Variants in ZCCHC4 observed in about 807,000 individuals in gnomAD.
ZCCHC4 encodes rRNA N(6)-adenosine-methyltransferase ZCCHC4.
ZCCHC4 carries 54 observed loss-of-function variants against 67.7 expected under a neutral mutation model. The observed-to-expected ratio is 0.80, with a 90% confidence interval of 0.64 to 1.00. The LOEUF (loss-of-function observed/expected upper bound fraction) is 1.00, where lower values mean the gene tolerates loss of function less well. Among genes scored for constraint, ZCCHC4 ranks in the 50% least tolerant of loss-of-function variants. The probability of loss-of-function intolerance (pLI) is 0.00; values close to 1 mark genes in which losing one functional copy is unlikely to be tolerated. For missense variants in ZCCHC4, 609 were observed against 617.0 expected, an observed-to-expected ratio of 0.99 and a Z score of 0.14; for synonymous variants, 198 against 213.5, an observed-to-expected ratio of 0.93 and a Z score of 0.63.
At chr4:25,344,472 G>A in intron 5 of ZCCHC4, among the ~76,000 whole-genome samples, 1 of 116,860 alleles carries the variant, frequency 8.6e-6, no homozygotes, top group East Asian at 2.7e-4. Context: ...TGGGGTGGGG[G>A]GAGGGGGGAG....
chr4:25,322,340 C>T (rs186677623), intron 3 of ZCCHC4, among the ~76,000 whole-genome samples: 7 of 152,214 alleles, frequency 4.6e-5, no homozygotes, highest in African/African-American at 1.4e-4. Flanking sequence ...CTCCCATTTC[C>T]CCACTCCCCA....
intron 6 of ZCCHC4, among the ~76,000 whole-genome samples, chr4:25,348,333 A>T (rs1720122748): frequency 6.6e-6 from 1 of 152,218 alleles, no homozygotes; most frequent in Non-Finnish European, 1.5e-5. Flanking sequence ...TATAAAATAC[A>T]TATAGGCTTG....
intron 8 of ZCCHC4, among the ~76,000 whole-genome samples, chr4:25,353,199 A>G (rs1293563545): frequency 6.6e-6 from 1 of 151,846 alleles, no homozygotes; most frequent in Non-Finnish European, 1.5e-5. Flanking sequence ...CACTGCTGTA[A>G]ACACCTTTTA....
At chr4:25,342,785 T>G (rs916646623) in intron 5 of ZCCHC4, among the ~76,000 whole-genome samples, 2 of 152,344 alleles carry the variant, frequency 1.3e-5, no homozygotes, top group South Asian at 4.1e-4. Flanking sequence ...GAGTGATTTT[T>G]CATAATTTAA....
At chr4:25,355,972 C>T (rs1203032663) in intron 8 of ZCCHC4, among the ~76,000 whole-genome samples, 2 of 152,168 alleles carry the variant, frequency 1.3e-5, no homozygotes. Context: ...AGTACTCTGT[C>T]TTATTTAATC....
At chr4:25,319,278 G>C (rs1718448163) in intron 3 of ZCCHC4, among the ~76,000 whole-genome samples, 2 of 152,068 alleles carry the variant, frequency 1.3e-5, no homozygotes, top group African/African-American at 4.8e-5. Context: ...CCAGCTTCTC[G>C]GGAGGCTGAG....
intron 12 of ZCCHC4, chr4:25,365,441 A>T (rs1720903896): frequency 2.5e-6 from 3 of 1,178,848 alleles, no homozygotes; most frequent in Non-Finnish European, 3.2e-6. Flanking sequence ...TTTACGTCTC[A>T]TGTGTAAAGT....
chr4:25,331,850 C>T lies in ZCCHC4; in HGVS notation c.330-1333C>T, dbSNP rs150514738. 3.0e-4 allele frequency among the ~76,000 whole-genome samples: 46 copies of T among 152,282 alleles called. 1 individual carries two copies. The East Asian group carries it at 7.1e-3, about 24-fold the overall frequency. ...AATAGAAACATTTAAATTACCGGCA[C>T]GATAGCTTATTTCTTGCTGCAACCA... is the stretch of plus-strand genomic sequence containing the variant. On this transcript the variant is annotated intron_variant, in intron 3 of 12. Coordinates refer to ENST00000302874, the MANE Select transcript of ZCCHC4 (RefSeq NM_024936.3).
intron 8 of ZCCHC4, among the ~76,000 whole-genome samples, chr4:25,353,056 T>C (rs975141195): frequency 6.6e-6 from 1 of 152,240 alleles, no homozygotes; most frequent in African/African-American, 2.4e-5. Flanking sequence ...TTCTTCATTA[T>C]GTCTTATAAG....
In ZCCHC4 at chr4:25,333,989, G is replaced by T. The variant is rs929397034; in HGVS notation, c.686+1G>T. 1.3e-5 allele frequency: 20 copies of T among 1,585,250 alleles called. No homozygotes were observed. The highest frequency in any genetic ancestry group is 1.7e-5 in the Non-Finnish European group (20 of 1,167,008). On this transcript the variant is annotated splice_donor_variant, in intron 5 of 12. Transcript: ENST00000302874. LOFTEE classifies it high-confidence loss of function. ...GCCTTTTATTGGATATTGATTTTCG[G>T]TAGGTTTACAAAATACAGTATTTCC...
intron 5 of ZCCHC4, among the ~76,000 whole-genome samples, chr4:25,341,113 TA>T (rs1486101279): frequency 6.6e-6 from 1 of 152,208 alleles, no homozygotes; most frequent in Non-Finnish European, 1.5e-5. Flanking sequence ...ATGACTTTCT[TA>T]ATAACATTTT....
chr4:25,313,223 T>C (rs1429188401), intron 1 of ZCCHC4, among the ~76,000 whole-genome samples: 1 of 152,196 alleles, frequency 6.6e-6, no homozygotes, highest in African/African-American at 2.4e-5. Flanking sequence ...ATAGTTCTCG[T>C]TGACAAGTAC....
intron 3 of ZCCHC4, among the ~76,000 whole-genome samples, chr4:25,330,470 G>A (rs916759846): frequency 6.6e-5 from 10 of 152,160 alleles, no homozygotes; most frequent in African/African-American, 2.4e-4. Flanking sequence ...ATGTTCTTGA[G>A]CAGGATTTAG....
intron 5 of ZCCHC4, among the ~76,000 whole-genome samples, chr4:25,335,034 G>T (rs1719380947): frequency 6.6e-6 from 1 of 152,092 alleles, no homozygotes; most frequent in African/African-American, 2.4e-5. Context: ...TGTAGATTTG[G>T]GGTCTGGAAC....
chr4:25,361,916 C>A lies in ZCCHC4; in HGVS notation c.1069C>A (p.Pro357Thr). ...KHGKTGRKQS[P>T]VRIFTNIPPN... ...CGGAAAGACAGGTCGAAAACAGTCTCCCGTGCGTATTTTCACCAACATTCC... is the reference window on the plus strand; with the variant it reads ...CGGAAAGACAGGTCGAAAACAGTCTACCGTGCGTATTTTCACCAACATTCC... The change falls in exon 9 of 13, where the codon CCC (proline) becomes ACC (threonine). Residue 357 changes from proline (P) to threonine (T), a missense_variant. Transcript: ENST00000302874. The A allele has an allele frequency of 6.2e-7, 1 of 1,613,900 alleles. No individual in the cohort carries two copies. The highest frequency in any genetic ancestry group is 8.5e-7 in the Non-Finnish European group (1 of 1,179,878).
intron 8 of ZCCHC4, among the ~76,000 whole-genome samples, chr4:25,357,475 T>G (rs768773565): frequency 2.0e-5 from 3 of 152,180 alleles, no homozygotes; most frequent in Non-Finnish European, 4.4e-5. Flanking sequence ...CCAGAAACCC[T>G]TAGGGGCTTT....
chr4:25,341,643 T>G (rs1437067084), intron 5 of ZCCHC4, among the ~76,000 whole-genome samples: 1 of 152,236 alleles, frequency 6.6e-6, no homozygotes, highest in Non-Finnish European at 1.5e-5. Flanking sequence ...GGTATTCTTT[T>G]ATAGCAATGC....
rs78578487 is a variant in ZCCHC4, at chr4:25,348,947, C to T, written c.760-545C>T. The stretch of plus-strand genomic sequence containing the variant: ...GTTTCATGGACCAGATGCGCTTTGT[C>T]GTTTGTGAACTTTCATTTTTTATTT... On this transcript the variant is annotated intron_variant, in intron 6 of 12. Coordinates refer to ENST00000302874, the MANE Select transcript of ZCCHC4 (RefSeq NM_024936.3). Among the ~76,000 whole-genome samples, 1,038 of 152,236 alleles carry T rather than the reference C, an allele frequency of 6.8e-3. 10 individuals carry two copies. The highest frequency in any genetic ancestry group is 0.023 in the African/African-American group (975 of 41,534).
intron 12 of ZCCHC4, among the ~76,000 whole-genome samples, chr4:25,368,185 T>A (rs1335972257): frequency 6.6e-6 from 1 of 152,198 alleles, no homozygotes; most frequent in Non-Finnish European, 1.5e-5. Flanking sequence ...ATGGAGAAGC[T>A]TATGAGAGGT....
Sources: allele counts gnomAD v4.1 joint callset (sites outside exome capture counted in the v4.1 genomes callset), GRCh38; gene constraint gnomAD v4.1.1; transcripts MANE v1.5; gene names NCBI Gene and HGNC (gene_info 2026-07-23, HGNC 2026-07-21).